The following SMG7 variants were observed in gnomAD, a reference collection of about 807,000 sequenced individuals.
SMG7 encodes SMG7 nonsense mediated mRNA decay factor.
SMG7 carries 34 observed loss-of-function variants against 148.2 expected under a neutral mutation model. The observed-to-expected ratio is 0.23, with a 90% CI of 0.17 to 0.31. The LOEUF is 0.31. SMG7 is among the 10% of genes least tolerant of loss of function. SMG7 has a pLI of 1.00. For missense variants in SMG7, 1,114 were observed against 1,408.4 expected (o/e 0.79, Z 3.35); for synonymous variants, 492 against 515.1 (o/e 0.96, Z 0.61).
At chr1:183,480,908 T>G (rs1326913040) in intron 1 of SMG7, among the ~76,000 whole-genome samples, 1 of 152,174 alleles carries the variant, frequency 6.6e-6, no homozygotes, top group Non-Finnish European at 1.5e-5. Flanking sequence ...ACTTAACATT[T>G]CTGTGTCTTG....
At chr1:183,529,561 G>A in intron 8 of SMG7, 28 bp downstream of exon 8, 1 of 1,594,930 alleles carries the variant, frequency 6.3e-7, no homozygotes, top group Non-Finnish European at 8.6e-7. Flanking sequence ...GAGAATTTTT[G>A]TCTTGTCTAA....
chr1:183,522,780 T>A (rs926361978), intron 4 of SMG7, among the ~76,000 whole-genome samples: 2 of 151,768 alleles, frequency 1.3e-5, no homozygotes, highest in East Asian at 1.9e-4. Flanking sequence ...TTTAGTTTTT[T>A]GTTTTTTTTT....
At position 183,527,330 on chromosome 1, in the gene SMG7, C is replaced by G. The variant is rs1666059257; in HGVS notation, c.484+563C>G. Among the ~76,000 whole-genome samples, 1 of 151,996 alleles carries G rather than the reference C, an allele frequency of 6.6e-6. No individual in the cohort carries two copies. Among genetic ancestry groups the G allele is most frequent in the Non-Finnish European group, 1.5e-5 (1 of 68,006 alleles). On this transcript the variant is annotated intron_variant, in intron 5 of 22. Coordinates refer to ENST00000688051, the MANE Select transcript of SMG7 (RefSeq NM_001375584.1). The surrounding 1 kb of genome is among the most constrained non-coding windows in gnomAD (Gnocchi z 4.0). ...ACTATAGGATTATGTTTTGCTTGTCCTCAAATAACAAAGAATGGAGAACAT... is the reference window on the plus strand; with the variant it reads ...ACTATAGGATTATGTTTTGCTTGTCGTCAAATAACAAAGAATGGAGAACAT...
In SMG7 at chr1:183,527,129, G is replaced by A. The variant is rs1251152365; in HGVS notation, c.484+362G>A. Reference sequence around the variant, plus strand: ...ATGAGGTTTATAAATTACTCCTGAAGCGAAATTGCCTTCTTTCTTTCTTAC... The same window carrying A: ...ATGAGGTTTATAAATTACTCCTGAAACGAAATTGCCTTCTTTCTTTCTTAC... On this transcript the variant is annotated intron_variant, in intron 5 of 22. Coordinates refer to ENST00000688051, the MANE Select transcript of SMG7 (RefSeq NM_001375584.1). The surrounding 1 kb of genome is among the most constrained non-coding windows in gnomAD (Gnocchi z 4.0). Among the ~76,000 whole-genome samples, 1 of 152,142 alleles carries A rather than the reference G, an allele frequency of 6.6e-6. No homozygotes were observed. Among genetic ancestry groups the A allele is most frequent in the Non-Finnish European group, 1.5e-5 (1 of 68,020 alleles).
chr1:183,550,828 CA>C lies in SMG7; in HGVS notation c.3212del (p.His1071LeufsTer79). ...ACCCAGCTCTCCTCCAACACACAAC[CA>C]TAATTCTGTTCCATTCTCCAATTTT... Reference protein sequence around the residue: ...SLPSSPPTHNHNSVPFSNFGP... With the variant: ...SLPSSPPTHNXNSVPFSNFGP... On this transcript the variant is annotated frameshift_variant, in exon 21 of 23. Transcript: ENST00000688051. LOFTEE classifies it high-confidence loss of function. 6.2e-7 allele frequency: 1 copy of C among 1,614,142 alleles called. No homozygotes were observed. The highest frequency in any genetic ancestry group is 1.3e-5 in the African/African-American group (1 of 75,054).
chr1:183,477,256 C>G (rs369894434), intron 1 of SMG7, among the ~76,000 whole-genome samples: 2 of 152,160 alleles, frequency 1.3e-5, no homozygotes, highest in East Asian at 1.9e-4. Context: ...CTCCCTTCAA[C>G]TTTCCTCCTT....
chr1:183,517,585 G>C (rs749783643), intron 3 of SMG7, 103 bp from the exon 4 acceptor site: 9 of 1,054,968 alleles, frequency 8.5e-6, no homozygotes, highest in South Asian at 1.3e-5. Context: ...TTACTGTCTC[G>C]TGTGGTATAA....
chr1:183,481,659 G>A (rs1171142669), intron 1 of SMG7, among the ~76,000 whole-genome samples: 1 of 152,134 alleles, frequency 6.6e-6, no homozygotes. Flanking sequence ...TAGGATAGTG[G>A]CTCCTGAGGG....
intron 14 of SMG7, among the ~76,000 whole-genome samples, chr1:183,542,732 C>T (rs964327846): frequency 2.0e-5 from 3 of 152,088 alleles, no homozygotes; most frequent in African/African-American, 7.2e-5. Flanking sequence ...CGTCAGTCTT[C>T]ACCAATTTAA....
At chr1:183,479,191 A>C (rs755524241) in intron 1 of SMG7, among the ~76,000 whole-genome samples, 4 of 152,156 alleles carry the variant, frequency 2.6e-5, no homozygotes, top group Non-Finnish European at 5.9e-5. Context: ...AATTTTAGGA[A>C]TCTCAAGTAG....
chr1:183,539,138 T>A (rs577813986), intron 12 of SMG7, among the ~76,000 whole-genome samples: 2 of 151,774 alleles, frequency 1.3e-5, no homozygotes, highest in South Asian at 2.1e-4. Flanking sequence ...GGTGACAGAG[T>A]GAGACTCCGT....
At chr1:183,516,908 A>G (rs188901653) in intron 3 of SMG7, among the ~76,000 whole-genome samples, 222 of 152,294 alleles carry the variant, frequency 1.5e-3, no homozygotes, top group African/African-American at 5.0e-3. Context: ...AGGTACTTCC[A>G]TGCTTTCCAG....
intron 1 of SMG7, among the ~76,000 whole-genome samples, chr1:183,474,650 A>G (rs10737246): frequency 0.97 from 147,229 of 152,366 alleles, 71,169 homozygotes; most frequent in East Asian, 1. Flanking sequence ...CAATGGGAGG[A>G]AATCAGGAAA....
chr1:183,538,734 G>A (rs1165972288), intron 12 of SMG7, among the ~76,000 whole-genome samples: 1 of 152,020 alleles, frequency 6.6e-6, no homozygotes, highest in Non-Finnish European at 1.5e-5. Context: ...TATTTCCAGT[G>A]TCTTGTCTTT....
At chr1:183,531,506 G>A (rs1259367992) in intron 8 of SMG7, among the ~76,000 whole-genome samples, 2 of 152,132 alleles carry the variant, frequency 1.3e-5, no homozygotes, top group African/African-American at 4.8e-5. Context: ...ATTTCTGAAT[G>A]GATAGGTTGT....
chr1:183,484,768 T>G (rs956796097), intron 1 of SMG7, among the ~76,000 whole-genome samples: 1 of 152,098 alleles, frequency 6.6e-6, no homozygotes, highest in African/African-American at 2.4e-5. Context: ...ATCTAAAAAT[T>G]TTTTGGTATG....
At chr1:183,512,237 G>GC (rs548235983) in intron 1 of SMG7, among the ~76,000 whole-genome samples, 99 of 152,306 alleles carry the variant, frequency 6.5e-4, no homozygotes, top group African/African-American at 2.2e-3. Flanking sequence ...AGAAGGGTTA[G>GC]CAAGAACATA....
chr1:183,532,590 A>G (rs542375375), intron 8 of SMG7, among the ~76,000 whole-genome samples: 1 of 152,306 alleles, frequency 6.6e-6, no homozygotes, highest in Admixed American at 6.5e-5. Context: ...CCTATAATAC[A>G]TCCTAATGTT....
chr1:183,542,148 C>A lies in SMG7; in HGVS notation c.1488C>A (p.Asp496Glu). The A allele has an allele frequency of 1.2e-6, 2 of 1,613,782 alleles. No individual in the cohort carries two copies. The highest frequency in any genetic ancestry group is 1.7e-6 in the Non-Finnish European group (2 of 1,179,760). The change falls in exon 14 of 23, where the codon GAC becomes GAA. Residue 496 changes from aspartate to glutamate, a missense_variant. Coordinates refer to ENST00000688051, the MANE Select transcript of SMG7 (RefSeq NM_001375584.1). ...AAATCCCAGAATTAATACTGGAAGA[C>A]CCCAGTGAAGCCAAAGAGAACCTCA... ...ITEIPELILE[D>E]PSEAKENLIL...
Sources: gnomAD v4.1 joint callset for allele counts (sites outside exome capture counted in the v4.1 genomes callset) on GRCh38, gnomAD v4.1.1 for gene constraint, Gnocchi (gnomAD v3.1) non-coding constraint, MANE v1.5 for transcripts, NCBI Gene and HGNC (gene_info 2026-07-23, HGNC 2026-07-21) for gene names.